Variants in COLEC12 observed in about 807,000 individuals in gnomAD.
COLEC12 encodes collectin subfamily member 12.
COLEC12 carries 33 observed loss-of-function variants against 71.1 expected under a neutral mutation model. The observed-to-expected ratio is 0.46, with a 90% confidence interval of 0.35 to 0.62. The LOEUF is 0.62. COLEC12 is among the 20% of genes least tolerant of loss of function. COLEC12 has a pLI of 0.00. For synonymous variants in COLEC12, 350 were observed against 353.0 expected, an observed-to-expected ratio of 0.99 and a Z score of 0.10; for missense variants, 765 against 916.1, an observed-to-expected ratio of 0.84 and a Z score of 2.13.
intron 5 of COLEC12, among the ~76,000 whole-genome samples, chr18:342,853 C>G (rs760499837): frequency 1.3e-5 from 2 of 152,170 alleles, no homozygotes; most frequent in Non-Finnish European, 2.9e-5. Context: ...CACCTTGGAG[C>G]CTGATTTCAG....
chr18:431,117 C>T (rs1916293764), intron 2 of COLEC12, among the ~76,000 whole-genome samples: 1 of 142,614 alleles, frequency 7.0e-6, no homozygotes. Flanking sequence ...CTCAGCCTCT[C>T]AAGTAGCTGG....
At position 319,284 on chromosome 18, in the gene COLEC12, A is replaced by T. The variant is rs1258006411; in HGVS notation, c.*761T>A. On this transcript the variant is annotated 3_prime_UTR_variant, in exon 10 of 10. Transcript: ENST00000400256. ...AAAATCTGCAAGGATATTTCTAGAC[A>T]TTCCAAGTGATTGGTTCCTCTGAGG... The T allele has an allele frequency of 6.8e-6, 1 of 146,218 alleles. No individual in the cohort carries two copies. Among genetic ancestry groups the T allele is most frequent in the Non-Finnish European group, 1.5e-5 (1 of 67,206 alleles). 9.1% of individuals were successfully genotyped at this position (146,218 alleles called of 1,614,324 possible). A position where few individuals can be genotyped will look rare whatever the true frequency, so the allele number is the denominator to read the frequency against.
intron 2 of COLEC12, among the ~76,000 whole-genome samples, chr18:446,385 T>C (rs1052990616): frequency 2.6e-5 from 4 of 152,046 alleles, no homozygotes; most frequent in Non-Finnish European, 5.9e-5. Flanking sequence ...CAGATTGTTA[T>C]GATATTTAAC....
chr18:412,756 T>C lies in COLEC12; in HGVS notation c.59-55234A>G, dbSNP rs191000888. 4.0e-4 allele frequency among the ~76,000 whole-genome samples: 61 copies of C among 152,270 alleles called. No homozygotes were observed. The East Asian group carries it at 0.011, about 26-fold the overall frequency. On this transcript the variant is annotated intron_variant, in intron 2 of 9. Coordinates refer to ENST00000400256, the MANE Select transcript of COLEC12 (RefSeq NM_130386.3). ...AAATGACAATAGAGGTAGGCTTTGA[T>C]AAGTTATGTAGACACATAATCCAGC...
chr18:334,592 C>A, intron 6 of COLEC12, 150 bp downstream of exon 6: 1 of 569,038 alleles, frequency 1.8e-6, no homozygotes. Flanking sequence ...CACGCCACTG[C>A]ACTCCAGCCT....
chr18:382,861 T>C (rs911698520), intron 2 of COLEC12, among the ~76,000 whole-genome samples: 7 of 152,282 alleles, frequency 4.6e-5, no homozygotes, highest in Non-Finnish European at 8.8e-5. Flanking sequence ...GTGATGTTTC[T>C]ATCCATGTAT....
intron 2 of COLEC12, among the ~76,000 whole-genome samples, chr18:383,213 A>T (rs895987218): frequency 3.3e-5 from 5 of 152,236 alleles, no homozygotes; most frequent in Non-Finnish European, 7.3e-5. Flanking sequence ...TTTTTAAATT[A>T]AAAAAGCCAG....
intron 2 of COLEC12, among the ~76,000 whole-genome samples, chr18:432,966 C>T (rs565988432): frequency 3.3e-5 from 5 of 152,168 alleles, no homozygotes; most frequent in Admixed American, 1.3e-4. Flanking sequence ...GTATTGTGCC[C>T]GTTACTCCAC....
intron 2 of COLEC12, among the ~76,000 whole-genome samples, chr18:430,422 C>T (rs562461769): frequency 6.6e-6 from 1 of 152,196 alleles, no homozygotes; most frequent in African/African-American, 2.4e-5. Flanking sequence ...TTAATTACCT[C>T]TATTTTGGAA....
chr18:484,688 G>C (rs999964139), intron 1 of COLEC12, among the ~76,000 whole-genome samples: 2 of 151,916 alleles, frequency 1.3e-5, no homozygotes, highest in African/African-American at 4.8e-5. Flanking sequence ...GATATGCAAA[G>C]AGAAGAAAAA....
At chr18:389,199 A>C (rs1173879129) in intron 2 of COLEC12, among the ~76,000 whole-genome samples, 4 of 118,772 alleles carry the variant, frequency 3.4e-5, no homozygotes, top group Non-Finnish European at 7.9e-5. Flanking sequence ...TCCATTACAC[A>C]CACACACAGA....
chr18:475,383 T>C lies in COLEC12; in HGVS notation c.58+5324A>G, dbSNP rs549552724. ...CCCATCAGGGAATGGGTCAGCTTTC[T>C]GCAGGGCTGCGGTGAGAGGGATGCC... On this transcript the variant is annotated intron_variant, in intron 2 of 9. Transcript: ENST00000400256. 3.3e-5 allele frequency among the ~76,000 whole-genome samples: 5 copies of C among 152,266 alleles called. No individual in the cohort carries two copies. In the South Asian group the frequency reaches 1.0e-3, roughly 32 times the overall value.
intron 3 of COLEC12, 44 bp from the exon 4 acceptor site, chr18:348,207 AT>A: frequency 8.3e-7 from 1 of 1,208,796 alleles, no homozygotes; most frequent in East Asian, 2.4e-5. Context: ...ATCTGCTCAT[AT>A]TTTATTTTTC....
chr18:347,063 C>G lies in COLEC12; in HGVS notation c.559G>C (p.Val187Leu). ...TGGTTCTGCAGATTGCCCTGGAGCA[C>G]GCTGGTATCTTGCTGCAGATTCGTG... ...YVTNLQQDTS[V>L]LQGNLQNQMY... Residue 187 changes from valine (V) to leucine (L), a missense_variant, in exon 5 of 10, where the codon GTG becomes CTG. Physicochemically the swap from Val to Leu is conservative, Grantham distance 32. Coordinates refer to ENST00000400256, the MANE Select transcript of COLEC12 (RefSeq NM_130386.3). The G allele has an allele frequency of 6.2e-7, 1 of 1,614,132 alleles. No homozygotes were observed. The highest frequency in any genetic ancestry group is 8.5e-7 in the Non-Finnish European group (1 of 1,180,028).
chr18:460,609 A>G (rs530007271), intron 2 of COLEC12, among the ~76,000 whole-genome samples: 2 of 152,310 alleles, frequency 1.3e-5, no homozygotes, highest in African/African-American at 4.8e-5. Context: ...TTATGCCTTC[A>G]ATATAGCTTT....
intron 2 of COLEC12, among the ~76,000 whole-genome samples, chr18:443,502 T>C (rs906421787): frequency 6.6e-6 from 1 of 152,178 alleles, no homozygotes; most frequent in African/African-American, 2.4e-5. Context: ...GTTCTGGAAG[T>C]GTGGTTGTCT....
Position 346,825 on chromosome 18 carries a change from T to G in COLEC12, c.797A>C (p.Gln266Pro). 1 of 1,614,192 alleles carries G rather than the reference T, an allele frequency of 6.2e-7. No homozygotes were observed. Among genetic ancestry groups the G allele is most frequent in the Non-Finnish European group, 8.5e-7 (1 of 1,179,984 alleles). The change falls in exon 5 of 10, where the codon CAG becomes CCG. Residue 266 changes from glutamine to proline, a missense_variant. By Grantham distance (76) the Gln-to-Pro change is moderately conservative. Coordinates refer to ENST00000400256, the MANE Select transcript of COLEC12 (RefSeq NM_130386.3). This position sits in a 1 kb window ranked among gnomAD's most constrained non-coding sequence, Gnocchi z 4.0. ...CGCAGAGTTGTTGGCAGCCAGCGTC[T>G]GCAAGCTCTGCACTTTCTCCTTCAG... ...DWLKEKVQSL[Q>P]TLAANNSALA...
At chr18:395,852 CAT>C (rs778999702) in intron 2 of COLEC12, among the ~76,000 whole-genome samples, 2 of 152,174 alleles carry the variant, frequency 1.3e-5, no homozygotes, top group African/African-American at 2.4e-5. Context: ...TTGAAAAGCA[CAT>C]GTCACATCTG....
rs1915288740 is a variant in COLEC12, at chr18:383,941, G to A, written c.59-26419C>T. Among the ~76,000 whole-genome samples the A allele has an allele frequency of 4.6e-5, 7 of 151,968 alleles. No individual in the cohort carries two copies. In the South Asian group the frequency reaches 1.4e-3, roughly 31 times the overall value. On this transcript the variant is annotated intron_variant, in intron 2 of 9. Coordinates refer to ENST00000400256, the MANE Select transcript of COLEC12 (RefSeq NM_130386.3). ...GAGAGAATGAGAACCAAGCAAAAAG[G>A]GGTTTCCCCTTATAAAACCATCAGA...
Sources: allele counts gnomAD v4.1 joint callset (sites outside exome capture counted in the v4.1 genomes callset), GRCh38; gene constraint gnomAD v4.1.1; non-coding constraint Gnocchi (gnomAD v3.1); transcripts MANE v1.5; gene names NCBI Gene and HGNC (gene_info 2026-07-23, HGNC 2026-07-21).